The following LDB2 variants were observed in gnomAD, a reference collection of about 807,000 sequenced individuals.
LDB2 encodes LIM domain binding 2, also known as LIM domain-binding protein 2.
A neutral mutation model predicts 44.3 loss-of-function variants in LDB2; 12 were observed. That is an observed-to-expected ratio of 0.27 (90% CI 0.17 to 0.44). LDB2 has a LOEUF of 0.44. Among genes scored for constraint, LDB2 ranks in the 20% least tolerant of loss-of-function variants. LDB2 has a pLI of 1.00. For missense variants in LDB2, 344 were observed against 473.5 expected, an observed-to-expected ratio of 0.73 and a Z score of 2.54; for synonymous variants, 164 against 174.8, an observed-to-expected ratio of 0.94 and a Z score of 0.49.
chr4:16,557,490 G>A lies in LDB2; in HGVS notation c.615+28432C>T, dbSNP rs191406595. Among the ~76,000 whole-genome samples, 495 of 152,326 alleles carry A rather than the reference G, an allele frequency of 3.2e-3. 5 individuals carry two copies. Among genetic ancestry groups the A allele is most frequent in the African/African-American group, 0.011 (453 of 41,570 alleles). On this transcript the variant is annotated intron_variant, in intron 5 of 7. Transcript: ENST00000304523. ...GCAGTCTGAGATCAAACTGCAAGGC[G>A]GCGGCAGCGAGGCTGGGGGAGGGGC...
chr4:16,598,092 C>T (rs918326629), intron 2 of LDB2, among the ~76,000 whole-genome samples: 4 of 152,106 alleles, frequency 2.6e-5, no homozygotes, highest in Admixed American at 2.0e-4. Context: ...ACCCACAGTT[C>T]GGTGCCCCAA....
chr4:16,620,321 G>A (rs1322724222), intron 2 of LDB2, among the ~76,000 whole-genome samples: 2 of 152,164 alleles, frequency 1.3e-5, no homozygotes, highest in Non-Finnish European at 2.9e-5. Flanking sequence ...TAAATGTAAG[G>A]TGCAGGCAAG....
At chr4:16,776,962 A>G (rs1772058964) in intron 1 of LDB2, among the ~76,000 whole-genome samples, 1 of 152,212 alleles carries the variant, frequency 6.6e-6, no homozygotes, top group Non-Finnish European at 1.5e-5. Context: ...TCTGCCCACT[A>G]GAGGCCAATA....
At chr4:16,512,349 A>G (rs762733731) in intron 5 of LDB2, among the ~76,000 whole-genome samples, 4 of 152,028 alleles carry the variant, frequency 2.6e-5, no homozygotes, top group Non-Finnish European at 5.9e-5. Context: ...GACACACACA[A>G]ACACACACAT....
chr4:16,784,664 A>T (rs1016847951), intron 1 of LDB2, among the ~76,000 whole-genome samples: 8 of 152,198 alleles, frequency 5.3e-5, no homozygotes, highest in Admixed American at 1.3e-4. Context: ...CTAGAGTGGA[A>T]TCCTTTATCT....
At chr4:16,504,683 C>G (rs1460372534) in intron 7 of LDB2, among the ~76,000 whole-genome samples, 1 of 152,134 alleles carries the variant, frequency 6.6e-6, no homozygotes, top group Admixed American at 6.5e-5. Flanking sequence ...GGAGTGTGGC[C>G]ACCACAGAGG....
intron 5 of LDB2, among the ~76,000 whole-genome samples, chr4:16,527,212 C>T (rs900819841): frequency 1.3e-5 from 2 of 152,048 alleles, no homozygotes; most frequent in Non-Finnish European, 2.9e-5. Flanking sequence ...TTCTCAGGAG[C>T]AGAGGGAAGA....
intron 2 of LDB2, among the ~76,000 whole-genome samples, chr4:16,650,150 C>A (rs1737862607): frequency 6.6e-6 from 1 of 152,176 alleles, no homozygotes; most frequent in African/African-American, 2.4e-5. Context: ...AATCCTGGCA[C>A]CACCACTTCC....
In LDB2 at chr4:16,800,780, T is replaced by G. The variant is rs1777653930; in HGVS notation, c.133-41520A>C. 2.6e-5 allele frequency among the ~76,000 whole-genome samples: 4 copies of G among 152,196 alleles called. No homozygotes were observed. The South Asian group carries it at 8.3e-4, about 31-fold the overall frequency. On this transcript the variant is annotated intron_variant, in intron 1 of 7. Transcript: ENST00000304523. ...AGCTCCGCCTCCCAGGTTCACGCCATTCTCCTGCCTCAGCCTCCCAAGTAG... is the reference window on the plus strand; with the variant it reads ...AGCTCCGCCTCCCAGGTTCACGCCAGTCTCCTGCCTCAGCCTCCCAAGTAG...
At chr4:16,866,215 C>T (rs1714656711) in intron 1 of LDB2, among the ~76,000 whole-genome samples, 1 of 152,106 alleles carries the variant, frequency 6.6e-6, no homozygotes. Flanking sequence ...GGAAAATACA[C>T]ATGATACTAA....
chr4:16,676,434 CG>C (rs1445850372), intron 2 of LDB2, among the ~76,000 whole-genome samples: 2 of 152,198 alleles, frequency 1.3e-5, no homozygotes, highest in Admixed American at 1.3e-4. Flanking sequence ...GAAGCCCCTT[CG>C]CCAAGATCAC....
At chr4:16,862,502 G>A (rs985033537) in intron 1 of LDB2, among the ~76,000 whole-genome samples, 1 of 151,692 alleles carries the variant, frequency 6.6e-6, no homozygotes. Context: ...GCGTGATAGT[G>A]GATACCTGTA....
intron 5 of LDB2, among the ~76,000 whole-genome samples, chr4:16,513,806 C>G (rs988794460): frequency 6.6e-6 from 1 of 152,178 alleles, no homozygotes; most frequent in African/African-American, 2.4e-5. Flanking sequence ...TTCGCCCCCA[C>G]AGCAAGCCAT....
intron 1 of LDB2, among the ~76,000 whole-genome samples, chr4:16,802,680 A>G (rs1272952681): frequency 6.6e-6 from 1 of 152,134 alleles, no homozygotes; most frequent in South Asian, 2.1e-4. Context: ...CCCCACCCAA[A>G]TCTTATCTTG....
rs1715134273 is a variant in LDB2, at chr4:16,582,579, A to T, written c.615+3343T>A. 6.6e-6 allele frequency among the ~76,000 whole-genome samples: 1 copy of T among 152,210 alleles called. No homozygotes were observed. Among genetic ancestry groups the T allele is most frequent in the South Asian group, 2.1e-4 (1 of 4,828 alleles). On this transcript the variant is annotated intron_variant, in intron 5 of 7. Transcript: ENST00000304523. This position sits in a 1 kb window ranked among gnomAD's most constrained non-coding sequence, Gnocchi z 4.8. ...CAGTTTTCCCCAGAACACTGAGGAC[A>T]TGCTTCGTGAAACCCACCACCCGGT...
At chr4:16,587,235 C>T (rs1394180536) in intron 4 of LDB2, among the ~76,000 whole-genome samples, 1 of 152,138 alleles carries the variant, frequency 6.6e-6, no homozygotes, top group Non-Finnish European at 1.5e-5. Flanking sequence ...GAGCCAATCG[C>T]CAAAACCTGT....
intron 1 of LDB2, among the ~76,000 whole-genome samples, chr4:16,772,583 G>A (rs1005180416): frequency 3.3e-5 from 5 of 152,160 alleles, no homozygotes; most frequent in Non-Finnish European, 7.3e-5. Flanking sequence ...AATATATGCT[G>A]TGAATTAAAA....
In LDB2 at chr4:16,692,538, C is replaced by A. The variant is rs1751037788; in HGVS notation, c.235+66620G>T. ...TCAGTCATACAAGTTTAATTTTTTTCTTTTCTGTGGAAAGAAAAAATACTT... is the reference window on the plus strand; with the variant it reads ...TCAGTCATACAAGTTTAATTTTTTTATTTTCTGTGGAAAGAAAAAATACTT... On this transcript the variant is annotated intron_variant, in intron 2 of 7. Coordinates refer to ENST00000304523, the MANE Select transcript of LDB2 (RefSeq NM_001290.5). Among the ~76,000 whole-genome samples, 3 of 151,990 alleles carry A rather than the reference C, an allele frequency of 2.0e-5. No individual in the cohort carries two copies. The South Asian group carries it at 6.2e-4, about 32-fold the overall frequency.
chr4:16,558,818 G>A lies in LDB2; in HGVS notation c.615+27104C>T, dbSNP rs1363666927. Among the ~76,000 whole-genome samples the A allele has an allele frequency of 1.1e-4, 16 of 152,120 alleles. 1 individual carries two copies. Among genetic ancestry groups the A allele is most frequent in the African/African-American group, 2.7e-4 (11 of 41,428 alleles). On this transcript the variant is annotated intron_variant, in intron 5 of 7. Coordinates refer to ENST00000304523, the MANE Select transcript of LDB2 (RefSeq NM_001290.5). ...TTAAGGGCAGCCAGAGAGAAAGGTC[G>A]GGTTACCCACAGAGGGAAGCCCATC...
Sources: allele counts gnomAD v4.1 joint callset (sites outside exome capture counted in the v4.1 genomes callset), GRCh38; gene constraint gnomAD v4.1.1; non-coding constraint Gnocchi (gnomAD v3.1); transcripts MANE v1.5; gene names NCBI Gene and HGNC (gene_info 2026-07-23, HGNC 2026-07-21).